The following TENM4 variants were observed in gnomAD, a reference collection of about 807,000 sequenced individuals.
The protein encoded by TENM4 is teneurin transmembrane protein 4.
A neutral mutation model predicts 243.3 loss-of-function variants in TENM4; 82 were observed. That is an observed-to-expected ratio of 0.34 (90% CI 0.28 to 0.40). The LOEUF (loss-of-function observed/expected upper bound fraction) is 0.40, where lower values mean the gene tolerates loss of function less well. TENM4 is among the 10% of genes least tolerant of loss of function. The pLI is 1.00. For missense variants in TENM4, 3,138 were observed against 3,673.3 expected, an observed-to-expected ratio of 0.85 and a Z score of 3.77; for synonymous variants, 1,412 against 1,456.3, an observed-to-expected ratio of 0.97 and a Z score of 0.69.
chr11:78,738,900 T>C (rs188170287), intron 19 of TENM4, among the ~76,000 whole-genome samples: 1 of 152,282 alleles, frequency 6.6e-6, no homozygotes, highest in African/African-American at 2.4e-5. Context: ...TGTGGATGTG[T>C]AGTTCAATGA....
chr11:79,323,882 TAC>T (rs35628974), intron 1 of TENM4, among the ~76,000 whole-genome samples: 4,971 of 149,938 alleles, frequency 0.033, 106 homozygotes, highest in Non-Finnish European at 0.044. Flanking sequence ...TCCATCCCTA[TAC>T]ACACACACAC....
At chr11:79,363,247 C>T (rs1857620983) in intron 1 of TENM4, among the ~76,000 whole-genome samples, 1 of 152,230 alleles carries the variant, frequency 6.6e-6, no homozygotes, top group Non-Finnish European at 1.5e-5. Flanking sequence ...GCGGCAGCTG[C>T]CCCTTTTAGG....
intron 15 of TENM4, among the ~76,000 whole-genome samples, chr11:78,800,736 G>GGAGAGAGA (rs5792816): frequency 6.9e-6 from 1 of 144,374 alleles, no homozygotes; most frequent in African/African-American, 2.6e-5. Flanking sequence ...AGTTCACAGG[G>GGAGAGAGA]GAGAGAGAGA....
At chr11:79,134,635 G>C (rs575651366) in intron 4 of TENM4, among the ~76,000 whole-genome samples, 2 of 152,222 alleles carry the variant, frequency 1.3e-5, no homozygotes, top group South Asian at 4.2e-4. Flanking sequence ...TGTGGAACTG[G>C]TATAAAAATA....
At chr11:78,810,131 G>A (rs1214448543) in intron 14 of TENM4, among the ~76,000 whole-genome samples, 2 of 152,162 alleles carry the variant, frequency 1.3e-5, no homozygotes, top group Admixed American at 6.5e-5. Context: ...AGAGCAGAGG[G>A]AGGAGGGGAG....
intron 9 of TENM4, among the ~76,000 whole-genome samples, chr11:78,883,150 G>A (rs933602784): frequency 2.6e-5 from 4 of 152,190 alleles, no homozygotes; most frequent in African/African-American, 9.7e-5. Flanking sequence ...CTCCCAAGGC[G>A]ACCAGTAAGG....
At chr11:79,044,150 C>T (rs1047318397) in intron 6 of TENM4, among the ~76,000 whole-genome samples, 6 of 152,214 alleles carry the variant, frequency 3.9e-5, no homozygotes, top group African/African-American at 1.4e-4. Flanking sequence ...TATATGTTTA[C>T]ATGTGGGGAA....
intron 15 of TENM4, among the ~76,000 whole-genome samples, chr11:78,796,880 C>T (rs1244966812): frequency 1.3e-5 from 2 of 152,230 alleles, no homozygotes; most frequent in African/African-American, 4.8e-5. Context: ...TCACTACCTA[C>T]TCATATCCAA....
intron 4 of TENM4, among the ~76,000 whole-genome samples, chr11:79,075,502 T>C (rs144525426): frequency 1.1e-3 from 169 of 152,386 alleles, no homozygotes; most frequent in Non-Finnish European, 2.2e-3. Context: ...AAATCATTAC[T>C]GTCAATGCCA....
chr11:78,809,120 A>C (rs1857444914), intron 14 of TENM4, among the ~76,000 whole-genome samples: 1 of 152,204 alleles, frequency 6.6e-6, no homozygotes. Flanking sequence ...TGCCAAGTGC[A>C]GCAAGAGGCT....
chr11:79,312,971 C>A (rs1376066994), intron 1 of TENM4, among the ~76,000 whole-genome samples: 1 of 152,186 alleles, frequency 6.6e-6, no homozygotes, highest in African/African-American at 2.4e-5. Context: ...GGATTCGCTG[C>A]CCACCTAATT....
chr11:78,991,491 C>T (rs1482579447), intron 6 of TENM4, among the ~76,000 whole-genome samples: 1 of 152,202 alleles, frequency 6.6e-6, no homozygotes, highest in African/African-American at 2.4e-5. Context: ...TACTGTACCA[C>T]AACTGTGACA....
chr11:79,318,457 C>T (rs1397895136), intron 1 of TENM4, among the ~76,000 whole-genome samples: 1 of 152,136 alleles, frequency 6.6e-6, no homozygotes, highest in Non-Finnish European at 1.5e-5. Context: ...TGACAACTGA[C>T]TTTCCAGAAG....
At chr11:78,741,515 C>T (rs994521233) in intron 19 of TENM4, among the ~76,000 whole-genome samples, 2 of 152,058 alleles carry the variant, frequency 1.3e-5, no homozygotes, top group African/African-American at 4.8e-5. Context: ...CAAGAGCAAA[C>T]GTAACATCAA....
chr11:78,894,640 G>A (rs1855746730), intron 7 of TENM4, among the ~76,000 whole-genome samples: 1 of 152,180 alleles, frequency 6.6e-6, no homozygotes, highest in African/African-American at 2.4e-5. Flanking sequence ...TCATGCTCAT[G>A]TGCATATTAA....
intron 1 of TENM4, among the ~76,000 whole-genome samples, chr11:79,423,930 A>G (rs1420445477): frequency 6.6e-6 from 1 of 152,116 alleles, no homozygotes; most frequent in Non-Finnish European, 1.5e-5. Flanking sequence ...TGCCTCCCCC[A>G]CTAACCTGGG....
chr11:78,891,892 C>T (rs511398), intron 7 of TENM4, among the ~76,000 whole-genome samples: 139,199 of 152,220 alleles, frequency 0.91, 64,406 homozygotes, highest in Non-Finnish European at 0.99. Context: ...TTTTTGGCCA[C>T]TGTCTTCTAA....
At chr11:79,334,861 C>G (rs1479182784) in intron 1 of TENM4, among the ~76,000 whole-genome samples, 1 of 152,154 alleles carries the variant, frequency 6.6e-6, no homozygotes, top group Non-Finnish European at 1.5e-5. Flanking sequence ...TGAATAACAC[C>G]TAAGGGAAAG....
Position 78,738,439 on chromosome 11 carries a change from A to C in TENM4, c.2876+12T>G, listed in dbSNP as rs769141391. 1 of 1,612,432 alleles carries C rather than the reference A, an allele frequency of 6.2e-7. No individual in the cohort carries two copies. Among genetic ancestry groups the C allele is most frequent in the East Asian group, 2.2e-5 (1 of 44,814 alleles). On this transcript the variant is annotated intron_variant, in intron 20 of 33. Coordinates refer to ENST00000278550, the MANE Select transcript of TENM4 (RefSeq NM_001098816.3). ...GACCTTCACTGTTTCTGGCTCATAG[A>C]AGGTCTCCTACCTGCCATCTTGCCT...
Sources: allele counts gnomAD v4.1 joint callset (sites outside exome capture counted in the v4.1 genomes callset), GRCh38; gene constraint gnomAD v4.1.1; transcripts MANE v1.5; gene names NCBI Gene and HGNC (gene_info 2026-07-23, HGNC 2026-07-21).